The following TENT4A variants were observed in gnomAD, a reference collection of about 807,000 sequenced individuals.
The protein encoded by TENT4A is DNA polymerase kappa.
A neutral mutation model predicts 72.8 loss-of-function variants in TENT4A; 7 were observed. The ratio of observed to expected loss-of-function variants is 0.10; its 90% CI spans 0.05 to 0.18. The LOEUF is 0.18. Ranked by LOEUF, TENT4A falls within the 10% of genes least tolerant of loss-of-function variation. TENT4A has a pLI of 1.00. For missense variants in TENT4A, 831 were observed against 1,017.7 expected, an observed-to-expected ratio of 0.82 and a Z score of 2.50; for synonymous variants, 456 against 434.3, an observed-to-expected ratio of 1.05 and a Z score of -0.62.
rs28381415 is a variant in TENT4A, at chr5:6,750,370, A to G, written c.1727A>G (p.Asn576Ser). The G allele has an allele frequency of 4.7e-5, 75 of 1,612,690 alleles. No homozygotes were observed. The highest frequency in any genetic ancestry group is 6.1e-5 in the Non-Finnish European group (72 of 1,179,446). The change falls in exon 10 of 13, where the codon AAT becomes AGT. Residue 576 changes from asparagine to serine, a missense_variant. This residue lies in a region of TENT4A where 332 missense variants were observed against 324.3 expected (regional missense o/e 1.02). Transcript: ENST00000230859. ...IKIKERIATC[N>S]GEQTQNREPE... Reference sequence around the variant, plus strand: ...ATCAAAGAGCGAATAGCCACATGCAATGGGGAGCAGACGCAGAACCGAGAG... The same window carrying G: ...ATCAAAGAGCGAATAGCCACATGCAGTGGGGAGCAGACGCAGAACCGAGAG...
chr5:6,721,746 G>T (rs1451892999), intron 1 of TENT4A, among the ~76,000 whole-genome samples: 2 of 152,214 alleles, frequency 1.3e-5, no homozygotes, highest in Non-Finnish European at 2.9e-5. Context: ...GTCCCTGTTG[G>T]CAGAGAATGT....
At position 6,714,426 on chromosome 5, in the gene TENT4A, C is replaced by T; in HGVS notation, c.443C>T (p.Ala148Val). 8.6e-7 allele frequency: 1 copy of T among 1,162,734 alleles called. No homozygotes were observed. Among genetic ancestry groups the T allele is most frequent in the Non-Finnish European group, 1.1e-6 (1 of 943,948 alleles). 72.0% of individuals were successfully genotyped at this position (1,162,734 alleles called of 1,614,324 possible). A position where few individuals can be genotyped will look rare whatever the true frequency, so the allele number is the denominator to read the frequency against. ...CGGCCGGGCGGCGGCCGCGGCGGCGCCTTCTTCAACTTCGCCGACGGCGCG... is the reference window on the plus strand; with the variant it reads ...CGGCCGGGCGGCGGCCGCGGCGGCGTCTTCTTCAACTTCGCCGACGGCGCG... ...LGRPGGGRGG[A>V]FFNFADGAPS... Residue 148 changes from alanine to valine, a missense_variant, in exon 1 of 13, where the codon GCC becomes GTC. Around this residue, in one of 3 missense-constraint regions of TENT4A, gnomAD observed 302 missense variants for 293.8 expected, o/e 1.03. Coordinates refer to ENST00000230859, the MANE Select transcript of TENT4A (RefSeq NM_006999.6).
chr5:6,715,261 C>T (rs989437044), intron 1 of TENT4A: 4 of 152,154 alleles, frequency 2.6e-5, no homozygotes, highest in African/African-American at 9.7e-5. Flanking sequence ...TAAACATTGG[C>T]TTAATTCAAA....
intron 1 of TENT4A, among the ~76,000 whole-genome samples, chr5:6,721,413 A>G (rs1459968699): frequency 6.6e-6 from 1 of 152,278 alleles, no homozygotes; most frequent in Non-Finnish European, 1.5e-5. Context: ...AAAGCAGAAA[A>G]CATTCAAGAA....
intron 1 of TENT4A, among the ~76,000 whole-genome samples, chr5:6,729,771 T>TTG (rs879655741): frequency 3.3e-5 from 5 of 152,134 alleles, no homozygotes; most frequent in Non-Finnish European, 5.9e-5. Context: ...GGTGGTTTTT[T>TTG]TGTGTGTGTG....
At chr5:6,739,435 T>G (rs543790792) in intron 3 of TENT4A, among the ~76,000 whole-genome samples, 72 of 152,302 alleles carry the variant, frequency 4.7e-4, no homozygotes, top group African/African-American at 1.7e-3. Context: ...CAGCCTGGTT[T>G]GGGGGCAGGC....
intron 12 of TENT4A, among the ~76,000 whole-genome samples, chr5:6,754,372 T>G (rs1282520642): frequency 6.6e-6 from 1 of 152,166 alleles, no homozygotes; most frequent in African/African-American, 2.4e-5. Context: ...TTTCACCATG[T>G]TGGTCAGGCT....
At chr5:6,718,317 C>G (rs987484353) in intron 1 of TENT4A, among the ~76,000 whole-genome samples, 34 of 152,132 alleles carry the variant, frequency 2.2e-4, no homozygotes, top group Non-Finnish European at 8.8e-5. Context: ...CAACCAGGAT[C>G]CCCCCTCTCC....
intron 1 of TENT4A, among the ~76,000 whole-genome samples, chr5:6,730,098 C>A (rs1052342044): frequency 1.3e-5 from 2 of 152,040 alleles, no homozygotes; most frequent in South Asian, 2.1e-4. Context: ...TTTCTCCGCC[C>A]CCCCCCGGAG....
At chr5:6,746,548 C>A in intron 7 of TENT4A, 121 bp downstream of exon 7, 3 of 757,658 alleles carry the variant, frequency 4.0e-6, no homozygotes, top group Non-Finnish European at 6.6e-6. Context: ...ATGCAGGTTT[C>A]TCTTATACTA....
At position 6,746,200 on chromosome 5, in the gene TENT4A, C is replaced by G; in HGVS notation, c.1246-14C>G. The stretch of plus-strand genomic sequence containing the variant: ...CATGAATCCATACAAATTGTGGGTG[C>G]ATTGCTTTTACAGTTGCATCCAAGA... On this transcript the variant is annotated splice_polypyrimidine_tract_variant and intron_variant, in intron 6 of 12. Transcript: ENST00000230859. The G allele has an allele frequency of 1.9e-6, 3 of 1,614,122 alleles. No individual in the cohort carries two copies. Among genetic ancestry groups the G allele is most frequent in the Non-Finnish European group, 2.5e-6 (3 of 1,180,002 alleles).
intron 1 of TENT4A, among the ~76,000 whole-genome samples, chr5:6,722,547 G>GTTTTTTTTTTT (rs55840324): frequency 2.4e-5 from 3 of 123,266 alleles, no homozygotes; most frequent in Non-Finnish European, 3.3e-5. Flanking sequence ...GCATTTGTTA[G>GTTTTTTTTTTT]TTTTTTTTTT....
intron 1 of TENT4A, among the ~76,000 whole-genome samples, chr5:6,726,981 T>A (rs1228140762): frequency 1.3e-5 from 2 of 152,092 alleles, no homozygotes; most frequent in Non-Finnish European, 2.9e-5. Context: ...CCAGAGACCT[T>A]AGCTCTCTTA....
Position 6,746,173 on chromosome 5 carries a change from G to A in TENT4A, c.1246-41G>A, listed in dbSNP as rs28381390. The A allele has an allele frequency of 2.9e-5, 46 of 1,613,796 alleles. 1 individual carries two copies. In the South Asian group the frequency reaches 4.3e-4, roughly 15 times the overall value. On this transcript the variant is annotated intron_variant, in intron 6 of 12. Coordinates refer to ENST00000230859, the MANE Select transcript of TENT4A (RefSeq NM_006999.6). ...TCGCGTGCTATTTTCTTTAGAACAT[G>A]CCATGAATCCATACAAATTGTGGGT...
intron 6 of TENT4A, among the ~76,000 whole-genome samples, chr5:6,744,647 C>T (rs930383410): frequency 5.3e-5 from 8 of 152,186 alleles, no homozygotes; most frequent in Admixed American, 1.3e-4. Context: ...CTGTGATGAT[C>T]GCAGCTTCCT....
intron 11 of TENT4A, 152 bp downstream of exon 11, chr5:6,751,349 C>CT (rs1182820007): frequency 3.8e-5 from 30 of 790,200 alleles, no homozygotes; most frequent in Non-Finnish European, 4.7e-5. Flanking sequence ...GAAATCCTCT[C>CT]TTTTTTGTGG....
chr5:6,720,674 C>CT, intron 1 of TENT4A, among the ~76,000 whole-genome samples: 4 of 117,566 alleles, frequency 3.4e-5, no homozygotes, highest in South Asian at 3.0e-4. Flanking sequence ...GACTCTGTCT[C>CT]AAAATAAATA....
intron 1 of TENT4A, among the ~76,000 whole-genome samples, chr5:6,728,422 G>T (rs1741049338): frequency 1.3e-5 from 2 of 152,242 alleles, no homozygotes; most frequent in African/African-American, 4.8e-5. Flanking sequence ...GGCCTTACTG[G>T]TGTGGTTGGG....
rs2126666017 is a variant in TENT4A at position 6,755,040 on chromosome 5, C to T, written c.*95C>T. On this transcript the variant is annotated 3_prime_UTR_variant, in exon 13 of 13. Transcript: ENST00000230859. ...GAACCGAGACCAGCACCCCGCACGT[C>T]AGCCGGGCTCGCGGCACGCCCGCCG... 1.7e-6 allele frequency: 2 copies of T among 1,149,348 alleles called. No individual in the cohort carries two copies. The highest frequency in any genetic ancestry group is 2.4e-6 in the Non-Finnish European group (2 of 847,244). The allele number at this position is 1,149,348 out of a possible 1,614,324, so 71.2% of individuals were successfully genotyped here.
Sources: gnomAD v4.1 joint callset for allele counts (sites outside exome capture counted in the v4.1 genomes callset) on GRCh38, gnomAD v4.1.1 for gene constraint, gnomAD v4.1.1 regional missense constraint, MANE v1.5 for transcripts, NCBI Gene and HGNC (gene_info 2026-07-23, HGNC 2026-07-21) for gene names.